Variants in WASHC4 observed in about 807,000 individuals in gnomAD.
The protein encoded by WASHC4 is WASH complex subunit 4.
A neutral mutation model predicts 166.6 loss-of-function variants in WASHC4; 86 were observed. The observed-to-expected ratio is 0.52, with a 90% CI of 0.43 to 0.62. The LOEUF (loss-of-function observed/expected upper bound fraction) is 0.62. Among genes scored for constraint, WASHC4 ranks in the 20% least tolerant of loss-of-function variants. The pLI, the probability that WASHC4 is intolerant of heterozygous loss-of-function variation, is 0.00. For synonymous variants in WASHC4, 446 were observed against 451.6 expected, an observed-to-expected ratio of 0.99 and a Z score of 0.16; for missense variants, 1,262 against 1,382.4, an observed-to-expected ratio of 0.91 and a Z score of 1.38.
chr12:105,166,320 ATTCT>A (rs1884800745), intron 32 of WASHC4, among the ~76,000 whole-genome samples: 1 of 152,232 alleles, frequency 6.6e-6, no homozygotes, highest in East Asian at 1.9e-4. Context: ...CCAGGAATTC[ATTCT>A]GTCAAAAACA....
At position 105,167,078 on chromosome 12, in the gene WASHC4, G is replaced by A. The variant is rs1240993278; in HGVS notation, c.*147G>A. 2 of 655,012 alleles carry A rather than the reference G, an allele frequency of 3.1e-6. No homozygotes were observed. The highest frequency in any genetic ancestry group is 2.8e-6 in the Non-Finnish European group (1 of 361,806). The allele number at this position is 655,012 out of a possible 1,614,324, so 40.6% of individuals were successfully genotyped here. ...CAGTTCTTAAAGGCAGTGCTTTAAA[G>A]TGAAGTTCATTCTGTTTCCAAAGGC... On this transcript the variant is annotated 3_prime_UTR_variant, in exon 33 of 33. Transcript: ENST00000332180.
intron 24 of WASHC4, chr12:105,147,880 G>C (rs1232124767): frequency 1.1e-6 from 1 of 937,846 alleles, no homozygotes. Context: ...ACTCCAGCTT[G>C]GGCAGCAAGA....
chr12:105,127,329 T>C, intron 13 of WASHC4, 40 bp downstream of exon 13: 3 of 1,340,774 alleles, frequency 2.2e-6, no homozygotes, highest in East Asian at 2.3e-5. Context: ...TATTTAGATA[T>C]CCTTTATTTT....
chr12:105,117,195 A>C (rs1220190868), intron 6 of WASHC4, among the ~76,000 whole-genome samples: 1 of 152,134 alleles, frequency 6.6e-6, no homozygotes, highest in Non-Finnish European at 1.5e-5. Flanking sequence ...TACTGTACTG[A>C]TGCTAATCAA....
rs1417397688 is a variant in WASHC4, at chr12:105,115,235, T to G, written c.367+6T>G. ...CTTGTTTTATGGAGAAGGAGGTAAGTTTAAAATTCCAAATTGTGATGCCTT... is the reference window on the plus strand; with the variant it reads ...CTTGTTTTATGGAGAAGGAGGTAAGGTTAAAATTCCAAATTGTGATGCCTT... On this transcript the variant is annotated splice_donor_region_variant and intron_variant, in intron 5 of 32. Coordinates refer to ENST00000332180, the MANE Select transcript of WASHC4 (RefSeq NM_015275.3). 1 of 1,552,304 alleles carries G rather than the reference T, an allele frequency of 6.4e-7. No homozygotes were observed. The highest frequency in any genetic ancestry group is 8.9e-7 in the Non-Finnish European group (1 of 1,124,772).
Position 105,160,128 on chromosome 12 carries a change from T to C in WASHC4, c.3040T>C (p.Tyr1014His), listed in dbSNP as rs1884404194. 6.2e-7 allele frequency: 1 copy of C among 1,613,684 alleles called. No homozygotes were observed. Among genetic ancestry groups the C allele is most frequent in the South Asian group, 1.1e-5 (1 of 91,076 alleles). ...RPKNIHLRNF[Y>H]IIVPPLTLNF... ...AAAGAATATACATCTCCGAAATTTC[T>C]ATATAATTGTTCCCCCTCTGGTGAG... The change falls in exon 29 of 33, where the codon TAT becomes CAT. Residue 1014 changes from tyrosine (Y) to histidine (H), a missense_variant. Tyr to His is a moderately conservative substitution (Grantham distance 83, BLOSUM62 2). Transcript: ENST00000332180.
intron 4 of WASHC4, 76 bp from the exon 5 acceptor site, chr12:105,115,108 T>A: frequency 1.3e-6 from 1 of 747,122 alleles, no homozygotes; most frequent in Non-Finnish European, 2.4e-6. Context: ...TTACTAAGTA[T>A]ACAGATCTAA....
At chr12:105,109,736 A>G (rs1321567086) in intron 1 of WASHC4, among the ~76,000 whole-genome samples, 1 of 142,386 alleles carries the variant, frequency 7.0e-6, no homozygotes, top group Admixed American at 7.5e-5. Flanking sequence ...AGCCTCGACC[A>G]GCTGAGCTCA....
intron 12 of WASHC4, among the ~76,000 whole-genome samples, 173 bp downstream of exon 12, chr12:105,126,535 T>A (rs1881303119): frequency 6.6e-6 from 1 of 152,040 alleles, no homozygotes; most frequent in Non-Finnish European, 1.5e-5. Context: ...TACGTCGTAT[T>A]TCTACATCAT....
rs536871075 is a variant in WASHC4 at position 105,145,867 on chromosome 12, G to A, written c.2335-585G>A. ...ATAGAAAACTTGTACTATTTAAAAG[G>A]GGTCTGGTGTGATCAAAAGAAGCAT... is the stretch of plus-strand genomic sequence containing the variant. On this transcript the variant is annotated intron_variant, in intron 22 of 32. Transcript: ENST00000332180. Among the ~76,000 whole-genome samples, 113 of 152,124 alleles carry A rather than the reference G, an allele frequency of 7.4e-4. 1 individual carries two copies. The highest frequency in any genetic ancestry group is 6.0e-3 in the South Asian group (29 of 4,822).
At chr12:105,160,185 T>A (rs753436754) in intron 29 of WASHC4, 37 bp downstream of exon 29, 152 of 1,530,892 alleles carry the variant, frequency 9.9e-5, no homozygotes, top group Middle Eastern at 5.1e-4. Flanking sequence ...ATTTTTTTTT[T>A]AAAAAGAGTA....
At chr12:105,160,685 T>C (rs1027477873) in intron 29 of WASHC4, among the ~76,000 whole-genome samples, 2 of 152,200 alleles carry the variant, frequency 1.3e-5, no homozygotes, top group African/African-American at 2.4e-5. Flanking sequence ...AAATAATTAC[T>C]GGAGAAATTT....
At chr12:105,146,170 T>C (rs1342932962) in intron 22 of WASHC4, among the ~76,000 whole-genome samples, 2 of 152,150 alleles carry the variant, frequency 1.3e-5, no homozygotes, top group South Asian at 2.1e-4. Context: ...GAGACAAATA[T>C]TCTCAAGGCT....
chr12:105,120,987 C>A (rs1047137191), intron 8 of WASHC4, 114 bp from the exon 9 acceptor site: 1 of 728,734 alleles, frequency 1.4e-6, no homozygotes, highest in South Asian at 1.5e-5. Flanking sequence ...AATTGATTTA[C>A]CCACTACTTT....
chr12:105,152,485 A>G (rs550525439), intron 26 of WASHC4, 34 bp downstream of exon 26: 3 of 1,057,480 alleles, frequency 2.8e-6, no homozygotes, highest in South Asian at 1.3e-5. Context: ...GAAATCAGGT[A>G]CAGATCCCTA....
At chr12:105,112,433 A>G (rs777399794) in intron 2 of WASHC4, among the ~76,000 whole-genome samples, 1 of 152,116 alleles carries the variant, frequency 6.6e-6, no homozygotes, top group Non-Finnish European at 1.5e-5. Flanking sequence ...ATACATATGT[A>G]TATATGGGAG....
chr12:105,155,606 C>T (rs1352650463), intron 26 of WASHC4, among the ~76,000 whole-genome samples: 3 of 152,018 alleles, frequency 2.0e-5, no homozygotes, highest in African/African-American at 4.8e-5. Flanking sequence ...TTTGGGAGGC[C>T]GAGGTGGGTG....
intron 14 of WASHC4, among the ~76,000 whole-genome samples, chr12:105,136,318 A>G (rs993938249): frequency 1.3e-5 from 2 of 152,166 alleles, no homozygotes; most frequent in Non-Finnish European, 1.5e-5. Context: ...CCTGAATGCC[A>G]GGATCACTTC....
At chr12:105,164,514 T>G (rs1209748259) in intron 31 of WASHC4, 127 bp from the exon 32 acceptor site, 4 of 834,068 alleles carry the variant, frequency 4.8e-6, no homozygotes, top group Non-Finnish European at 7.8e-6. Context: ...TATTTCAGTT[T>G]CTGTATTTAT....
Sources: allele counts gnomAD v4.1 joint callset (sites outside exome capture counted in the v4.1 genomes callset), GRCh38; gene constraint gnomAD v4.1.1; transcripts MANE v1.5; gene names NCBI Gene and HGNC (gene_info 2026-07-23, HGNC 2026-07-21).